Variants in DNMT1 observed in about 807,000 individuals in gnomAD.
DNMT1 encodes DNA (cytosine-5)-methyltransferase 1.
DNMT1 carries 24 observed loss-of-function variants against 205.3 expected under a neutral mutation model. The observed-to-expected ratio is 0.12, with a 90% confidence interval of 0.08 to 0.16. The LOEUF is 0.16. DNMT1 is among the 10% of genes least tolerant of loss of function. The probability of loss-of-function intolerance (pLI) is 1.00; values close to 1 mark genes in which losing one functional copy is unlikely to be tolerated. For missense variants in DNMT1, 1,293 were observed against 2,177.7 expected (o/e 0.59, Z 8.09); for synonymous variants, 817 against 839.8 (o/e 0.97, Z 0.47).
In DNMT1 at chr19:10,146,531, G is replaced by A. The variant is rs1391030007; in HGVS notation, c.2721-7C>T. The A allele has an allele frequency of 3.1e-6, 5 of 1,613,964 alleles. No individual in the cohort carries two copies. Among genetic ancestry groups the A allele is most frequent in the Non-Finnish European group, 4.2e-6 (5 of 1,180,028 alleles). ...GGCACAGCTCACACAGAATCTGAAG[G>A]AAACAAAGGGACAGAAACATAAGGC... On this transcript the variant is annotated splice_polypyrimidine_tract_variant and splice_region_variant and intron_variant, in intron 27 of 40. Coordinates refer to ENST00000359526, the MANE Select transcript of DNMT1 (RefSeq NM_001130823.3). The surrounding 1 kb of genome is among the most constrained non-coding windows in gnomAD (Gnocchi z 4.4).
At chr19:10,189,847 G>A (rs1056343390) in intron 1 of DNMT1, among the ~76,000 whole-genome samples, 5 of 152,128 alleles carry the variant, frequency 3.3e-5, no homozygotes, top group South Asian at 4.1e-4. Flanking sequence ...ACAGTACCAC[G>A]TAATAACCAG....
At position 10,156,075 on chromosome 19, in the gene DNMT1, G is replaced by A; in HGVS notation, c.1400-130C>T. ...GCTCCTCAGTCATCACAATGACTTG[G>A]CCTACAGCTGCTCCTGGCACAAAGT... On this transcript the variant is annotated intron_variant, in intron 18 of 40. Coordinates refer to ENST00000359526, the MANE Select transcript of DNMT1 (RefSeq NM_001130823.3). The surrounding 1 kb of genome is among the most constrained non-coding windows in gnomAD (Gnocchi z 4.2). 1.1e-6 allele frequency: 1 copy of A among 884,050 alleles called. No homozygotes were observed. Among genetic ancestry groups the A allele is most frequent in the Non-Finnish European group, 1.8e-6 (1 of 556,444 alleles). The allele number at this position is 884,050 out of a possible 1,614,324, so 54.8% of individuals were successfully genotyped here.
chr19:10,149,719 G>C, intron 25 of DNMT1, 62 bp from the exon 26 acceptor site: 1 of 1,611,100 alleles, frequency 6.2e-7, no homozygotes, highest in East Asian at 2.2e-5. Context: ...ATGTGACCAA[G>C]TCTATGCAGG....
chr19:10,154,578 A>G lies in DNMT1; in HGVS notation c.1832+8T>C. The stretch of plus-strand genomic sequence containing the variant: ...CAGTCTTCACTCTGGTCCCTGCCGC[A>G]TCCTTACCTCTGTCCCAGCGTGACC... On this transcript the variant is annotated splice_region_variant and intron_variant, in intron 21 of 40. Transcript: ENST00000359526. This position sits in a 1 kb window ranked among gnomAD's most constrained non-coding sequence, Gnocchi z 6.3. 6.2e-7 allele frequency: 1 copy of G among 1,613,800 alleles called. No individual in the cohort carries two copies. The highest frequency in any genetic ancestry group is 8.5e-7 in the Non-Finnish European group (1 of 1,179,892).
chr19:10,147,644 C>T (rs935845732), intron 27 of DNMT1, among the ~76,000 whole-genome samples: 1 of 151,884 alleles, frequency 6.6e-6, no homozygotes, highest in Non-Finnish European at 1.5e-5. Context: ...AAATAGAGAT[C>T]AAGCCAAAGC....
intron 6 of DNMT1, 116 bp downstream of exon 6, chr19:10,177,176 G>A (rs1008766180): frequency 2.3e-5 from 22 of 939,494 alleles, no homozygotes; most frequent in East Asian, 1.5e-4. Context: ...GAACAGAACC[G>A]CAAGATGAAA....
At position 10,137,318 on chromosome 19, in the gene DNMT1, G is replaced by C; in HGVS notation, c.4294-38C>G. 1 of 1,573,904 alleles carries C rather than the reference G, an allele frequency of 6.4e-7. No individual in the cohort carries two copies. ...GGGGGGCCCAGCTGTCACCTCATGT[G>C]AGCAGCATCCGAGCATCCATGGTGG... On this transcript the variant is annotated intron_variant, in intron 36 of 40. Transcript: ENST00000359526. This position sits in a 1 kb window ranked among gnomAD's most constrained non-coding sequence, Gnocchi z 6.4.
chr19:10,153,460 C>T (rs1357019793), intron 22 of DNMT1, among the ~76,000 whole-genome samples: 2 of 151,656 alleles, frequency 1.3e-5, no homozygotes, highest in Non-Finnish European at 2.9e-5. Context: ...ATGGTGAAAC[C>T]CCATCTCTAC....
At chr19:10,194,596 G>T in intron 1 of DNMT1, 1 of 524,546 alleles carries the variant, frequency 1.9e-6, no homozygotes. Context: ...CTAGCCACCA[G>T]GGAGCTACGG....
In DNMT1 at chr19:10,159,563, G is replaced by A. The variant is rs1568237878; in HGVS notation, c.1280+95C>T. ...TAGCTTAAGACATGTTGCAGGTCAG[G>A]CACTAAAAAACATCACCAGAATCGT... is the stretch of plus-strand genomic sequence containing the variant. On this transcript the variant is annotated intron_variant, in intron 17 of 40. Transcript: ENST00000359526. This position sits in a 1 kb window ranked among gnomAD's most constrained non-coding sequence, Gnocchi z 5.0. 2.4e-6 allele frequency: 3 copies of A among 1,235,184 alleles called. No individual in the cohort carries two copies. Among genetic ancestry groups the A allele is most frequent in the East Asian group, 4.8e-5 (2 of 41,744 alleles). The allele number at this position is 1,235,184 out of a possible 1,614,324, so 76.5% of individuals were successfully genotyped here. A position where few individuals can be genotyped will look rare whatever the true frequency, so the allele number is the denominator to read the frequency against.
rs1338641084 is a variant in DNMT1 at position 10,194,661 on chromosome 19, T to C, written c.80+159A>G. ...CAGCCCGGGCACGCGCGACCGGAAGTGCCACCCTGCCCGCGCCAACTGCCG... is the reference window on the plus strand; with the variant it reads ...CAGCCCGGGCACGCGCGACCGGAAGCGCCACCCTGCCCGCGCCAACTGCCG... On this transcript the variant is annotated intron_variant, in intron 1 of 40. Transcript: ENST00000359526. 5.9e-6 allele frequency: 6 copies of C among 1,011,610 alleles called. No individual in the cohort carries two copies. In the African/African-American group the frequency reaches 1.0e-4, roughly 17 times the overall value. 62.7% of individuals were successfully genotyped at this position (1,011,610 alleles called of 1,614,324 possible).
intron 27 of DNMT1, among the ~76,000 whole-genome samples, chr19:10,147,968 T>C (rs879597285): frequency 2.0e-5 from 3 of 150,554 alleles, no homozygotes; most frequent in Admixed American, 1.3e-4. Context: ...ACAAAAAAAG[T>C]AGCCGGGCAT....
chr19:10,135,675 C>G (rs1568218356), intron 39 of DNMT1, 61 bp downstream of exon 39: 2 of 1,561,694 alleles, frequency 1.3e-6, no homozygotes, highest in Non-Finnish European at 1.7e-6. Flanking sequence ...CCCAGCCCCA[C>G]CTGGTGACAG....
At position 10,164,181 on chromosome 19, in the gene DNMT1, C is replaced by T. The variant is rs191767405; in HGVS notation, c.892-821G>A. On this transcript the variant is annotated intron_variant, in intron 11 of 40. Coordinates refer to ENST00000359526, the MANE Select transcript of DNMT1 (RefSeq NM_001130823.3). ...GGAGAGAGAGAGAGAGATTGATTCA[C>T]TCTTGTTGCCCAGGCTGGAGTGCAA... 2.1e-3 allele frequency among the ~76,000 whole-genome samples: 322 copies of T among 152,252 alleles called. 3 individuals are homozygous for T. Among genetic ancestry groups the T allele is most frequent in the South Asian group, 4.6e-3 (22 of 4,830 alleles).
At chr19:10,134,122 G>T (rs1599336291) in intron 40 of DNMT1, 95 bp downstream of exon 40, 1 of 1,383,754 alleles carries the variant, frequency 7.2e-7, no homozygotes. Flanking sequence ...ACCCGCCTGA[G>T]TCCCAGAGCC....
In DNMT1 at chr19:10,141,434, C is replaced by T. The variant is rs572876247; in HGVS notation, c.3310-245G>A. On this transcript the variant is annotated intron_variant, in intron 30 of 40. Coordinates refer to ENST00000359526, the MANE Select transcript of DNMT1 (RefSeq NM_001130823.3). ...TATTACAAGCACTTGAGAGTACCTTCTAGAACAGGAAAAAGTGCTATGCAG... is the reference window on the plus strand; with the variant it reads ...TATTACAAGCACTTGAGAGTACCTTTTAGAACAGGAAAAAGTGCTATGCAG... The T allele has an allele frequency of 1.7e-5, 9 of 515,446 alleles. No individual in the cohort carries two copies. In the South Asian group the frequency reaches 1.8e-4, roughly 11 times the overall value. The allele number at this position is 515,446 out of a possible 1,614,324, so 31.9% of individuals were successfully genotyped here.
intron 27 of DNMT1, among the ~76,000 whole-genome samples, chr19:10,147,148 G>T (rs1279962454): frequency 6.6e-6 from 1 of 152,106 alleles, no homozygotes; most frequent in East Asian, 1.9e-4. Context: ...TGCAGTCCCA[G>T]CTACTCAGGA....
rs1291185618 is a variant in DNMT1, at chr19:10,156,099, G to A, written c.1400-154C>T. 6.6e-6 allele frequency among the ~76,000 whole-genome samples: 1 copy of A among 152,010 alleles called. No homozygotes were observed. The highest frequency in any genetic ancestry group is 1.5e-5 in the Non-Finnish European group (1 of 68,020). ...GGCCTACAGCTGCTCCTGGCACAAA[G>A]TCTCACACCCTAACTTTAAGAGGCA... On this transcript the variant is annotated intron_variant, in intron 18 of 40. Coordinates refer to ENST00000359526, the MANE Select transcript of DNMT1 (RefSeq NM_001130823.3). The surrounding 1 kb of genome is among the most constrained non-coding windows in gnomAD (Gnocchi z 4.2).
intron 9 of DNMT1, among the ~76,000 whole-genome samples, chr19:10,168,794 A>G (rs1226754241): frequency 6.6e-6 from 1 of 152,218 alleles, no homozygotes; most frequent in Non-Finnish European, 1.5e-5. Flanking sequence ...TCTGAAAAGT[A>G]GCTCCAACTG....
Sources: allele counts gnomAD v4.1 joint callset (sites outside exome capture counted in the v4.1 genomes callset), GRCh38; gene constraint gnomAD v4.1.1; non-coding constraint Gnocchi (gnomAD v3.1); transcripts MANE v1.5; gene names NCBI Gene and HGNC (gene_info 2026-07-23, HGNC 2026-07-21).